Variants in EYS observed in about 807,000 individuals in gnomAD.
EYS encodes the protein EGF-like photoreceptor maintenance factor, also known as protein eyes shut homolog.
EYS carries 250 observed loss-of-function variants against 282.1 expected under a neutral mutation model. The ratio of observed to expected loss-of-function variants is 0.89; its 90% CI spans 0.80 to 0.98. The LOEUF (loss-of-function observed/expected upper bound fraction) is 0.98. Ranked by LOEUF, EYS falls within the 50% of genes least tolerant of loss-of-function variation. The probability of loss-of-function intolerance (pLI) is 0.00; values close to 1 mark genes in which losing one functional copy is unlikely to be tolerated. For synonymous variants in EYS, 1,355 were observed against 1,282.9 expected, an observed-to-expected ratio of 1.06 and a Z score of -1.20; for missense variants, 4,016 against 3,709.0, an observed-to-expected ratio of 1.08 and a Z score of -2.15.
At chr6:63,750,601 A>G (rs887624219) in intron 41 of EYS, among the ~76,000 whole-genome samples, 11 of 152,284 alleles carry the variant, frequency 7.2e-5, no homozygotes, top group Non-Finnish European at 1.0e-4. Flanking sequence ...CAGCCCTCAG[A>G]CAAGCCAGAA....
intron 5 of EYS, among the ~76,000 whole-genome samples, chr6:65,451,710 T>A (rs9351498): frequency 4.7e-5 from 7 of 148,802 alleles, no homozygotes; most frequent in Non-Finnish European, 7.4e-5. Context: ...ACTGTTTTTT[T>A]AATTGCTACT....
chr6:64,831,314 T>C (rs1332040152), intron 19 of EYS, among the ~76,000 whole-genome samples: 2 of 152,002 alleles, frequency 1.3e-5, no homozygotes, highest in East Asian at 3.9e-4. Flanking sequence ...AATAAAAATA[T>C]TGGCGGTATA....
intron 2 of EYS, among the ~76,000 whole-genome samples, chr6:65,616,804 T>G (rs1766215585): frequency 6.6e-6 from 1 of 151,458 alleles, no homozygotes; most frequent in African/African-American, 2.4e-5. Context: ...AAAAAAAAAG[T>G]AAGCCTTTAT....
chr6:64,425,095 A>C (rs1223736395), intron 28 of EYS, among the ~76,000 whole-genome samples: 1 of 152,140 alleles, frequency 6.6e-6, no homozygotes, highest in Non-Finnish European at 1.5e-5. Context: ...GAAGTAATGG[A>C]ATGTCAAAGT....
intron 12 of EYS, among the ~76,000 whole-genome samples, chr6:65,262,361 T>C (rs1767644117): frequency 6.6e-6 from 1 of 152,090 alleles, no homozygotes; most frequent in Admixed American, 6.6e-5. Context: ...TAATGTATAA[T>C]TGAATAAGAA....
At chr6:65,407,547 C>T (rs1015719938) in intron 5 of EYS, among the ~76,000 whole-genome samples, 4 of 152,096 alleles carry the variant, frequency 2.6e-5, no homozygotes, top group Non-Finnish European at 4.4e-5. Flanking sequence ...AGCCACTATG[C>T]CCGGCCTTGA....
chr6:63,947,720 T>A (rs555099318), intron 35 of EYS, among the ~76,000 whole-genome samples: 2 of 152,282 alleles, frequency 1.3e-5, no homozygotes, highest in East Asian at 3.9e-4. Flanking sequence ...AGCAGGAATA[T>A]TGTCCTAATC....
At chr6:63,902,266 A>G (rs940351364) in intron 35 of EYS, among the ~76,000 whole-genome samples, 1 of 152,078 alleles carries the variant, frequency 6.6e-6, no homozygotes, top group African/African-American at 2.4e-5. Flanking sequence ...AAAAATTCTG[A>G]TTGTCAATCA....
At chr6:65,170,610 C>T (rs1765082889) in intron 12 of EYS, among the ~76,000 whole-genome samples, 1 of 151,280 alleles carries the variant, frequency 6.6e-6, no homozygotes, top group South Asian at 2.1e-4. Context: ...AATGTCTAAG[C>T]CAAAAATGGT....
At chr6:65,167,367 A>G (rs1581974597) in intron 12 of EYS, among the ~76,000 whole-genome samples, 1 of 151,394 alleles carries the variant, frequency 6.6e-6, no homozygotes, top group East Asian at 2.0e-4. Context: ...CCTTGAAAGT[A>G]TTATGTTCTG....
chr6:63,865,098 G>T lies in EYS; in HGVS notation c.7056-740C>A, dbSNP rs150071992. Among the ~76,000 whole-genome samples, 426 of 152,274 alleles carry T rather than the reference G, an allele frequency of 2.8e-3. 1 individual carries two copies. Among genetic ancestry groups the T allele is most frequent in the African/African-American group, 8.5e-3 (355 of 41,554 alleles). Reference sequence around the variant, plus strand: ...CAGCCCATGTTGTCTGGGAGACACAGTCTCCACTCGGTGCCAATCATAGTG... The same window carrying T: ...CAGCCCATGTTGTCTGGGAGACACATTCTCCACTCGGTGCCAATCATAGTG... On this transcript the variant is annotated intron_variant, in intron 35 of 42. Transcript: ENST00000503581.
chr6:64,545,659 C>T (rs1562052565), intron 26 of EYS, among the ~76,000 whole-genome samples: 1 of 152,156 alleles, frequency 6.6e-6, no homozygotes, highest in Non-Finnish European at 1.5e-5. Flanking sequence ...AGCTGATAGG[C>T]AACTTCAGCA....
At chr6:65,234,184 T>A (rs1432817473) in intron 12 of EYS, among the ~76,000 whole-genome samples, 36 of 152,188 alleles carry the variant, frequency 2.4e-4, no homozygotes, top group Admixed American at 2.4e-3. Context: ...GCAGAGCTCT[T>A]TGTCATACGG....
chr6:64,342,409 C>A (rs946744788), intron 29 of EYS, among the ~76,000 whole-genome samples: 2 of 151,818 alleles, frequency 1.3e-5, no homozygotes, highest in Admixed American at 1.3e-4. Context: ...GGGGCCAATA[C>A]TCAACATTCT....
At chr6:65,524,690 C>G (rs1248303830) in intron 2 of EYS, among the ~76,000 whole-genome samples, 1 of 152,142 alleles carries the variant, frequency 6.6e-6, no homozygotes, top group African/African-American at 2.4e-5. Context: ...GAAGTGAATT[C>G]CTTAGAATCA....
At chr6:65,168,847 C>G (rs1332474536) in intron 12 of EYS, among the ~76,000 whole-genome samples, 2 of 151,308 alleles carry the variant, frequency 1.3e-5, no homozygotes, top group African/African-American at 4.8e-5. Flanking sequence ...TTTTTTAAAG[C>G]TATTGAGTTT....
chr6:64,881,983 A>T (rs1766935653), intron 19 of EYS, among the ~76,000 whole-genome samples: 1 of 151,844 alleles, frequency 6.6e-6, no homozygotes, highest in South Asian at 2.1e-4. Flanking sequence ...GTGCAATTTC[A>T]ATGTGTAAGA....
At chr6:64,029,209 T>G (rs541495897) in intron 33 of EYS, among the ~76,000 whole-genome samples, 2 of 152,152 alleles carry the variant, frequency 1.3e-5, no homozygotes, top group East Asian at 3.9e-4. Context: ...TCTTTATATG[T>G]CACAGAGAGA....
At chr6:65,028,781 T>A (rs1447812847) in intron 13 of EYS, among the ~76,000 whole-genome samples, 4 of 152,096 alleles carry the variant, frequency 2.6e-5, no homozygotes, top group African/African-American at 9.7e-5. Context: ...ATTTTGTTAT[T>A]TAAGAACTAT....
Sources: allele counts gnomAD v4.1 joint callset (sites outside exome capture counted in the v4.1 genomes callset), GRCh38; gene constraint gnomAD v4.1.1; transcripts MANE v1.5; gene names NCBI Gene and HGNC (gene_info 2026-07-23, HGNC 2026-07-21).